The following GNA14 variants were observed in gnomAD, a reference collection of about 807,000 sequenced individuals.
GNA14 encodes guanine nucleotide-binding protein subunit alpha-14.
In GNA14, 50 loss-of-function variants were observed where a neutral mutation model predicts 42.0. That is an observed-to-expected ratio of 1.19 (90% CI 0.95 to 1.51). The LOEUF is 1.51. Among genes scored for constraint, GNA14 ranks in the 40% most tolerant of loss-of-function variants. GNA14 has a pLI of 0.00. For synonymous variants in GNA14, 173 were observed against 163.1 expected (o/e 1.06, Z -0.46); for missense variants, 473 against 446.2 (o/e 1.06, Z -0.54).
intron 2 of GNA14, among the ~76,000 whole-genome samples, chr9:77,459,141 C>T (rs1297122691): frequency 6.6e-6 from 1 of 152,056 alleles, no homozygotes; most frequent in Admixed American, 6.5e-5. Context: ...GAGGCTGAGG[C>T]ACAAGAGTCA....
intron 2 of GNA14, among the ~76,000 whole-genome samples, chr9:77,494,392 A>C (rs989910837): frequency 1.3e-5 from 2 of 152,156 alleles, no homozygotes; most frequent in African/African-American, 4.8e-5. Context: ...AACTTTCTCA[A>C]ATATTATTGA....
At chr9:77,484,098 C>A (rs888240143) in intron 2 of GNA14, among the ~76,000 whole-genome samples, 5 of 152,046 alleles carry the variant, frequency 3.3e-5, no homozygotes, top group Non-Finnish European at 5.9e-5. Context: ...CAGGTAAACA[C>A]AGAATCAGAA....
chr9:77,575,022 A>T (rs746328353), intron 1 of GNA14, among the ~76,000 whole-genome samples: 1 of 152,224 alleles, frequency 6.6e-6, no homozygotes, highest in Non-Finnish European at 1.5e-5. Flanking sequence ...GTTGCCAAGG[A>T]AACTTTTCTA....
chr9:77,513,042 C>T (rs1278705830), intron 2 of GNA14, among the ~76,000 whole-genome samples: 1 of 152,212 alleles, frequency 6.6e-6, no homozygotes, highest in Non-Finnish European at 1.5e-5. Context: ...TCTCTAGTTT[C>T]TTTGATGGCA....
chr9:77,444,776 C>A (rs1010256507), intron 2 of GNA14, among the ~76,000 whole-genome samples: 1 of 152,226 alleles, frequency 6.6e-6, no homozygotes, highest in Non-Finnish European at 1.5e-5. Flanking sequence ...CCACTCAATC[C>A]TATGTACAGA....
chr9:77,486,655 C>T (rs1836665149), intron 2 of GNA14, among the ~76,000 whole-genome samples: 1 of 152,066 alleles, frequency 6.6e-6, no homozygotes. Flanking sequence ...CATTTTGAGA[C>T]CATTGTAGGA....
chr9:77,523,425 G>A (rs1445428878), intron 2 of GNA14, among the ~76,000 whole-genome samples: 1 of 152,028 alleles, frequency 6.6e-6, no homozygotes, highest in Non-Finnish European at 1.5e-5. Context: ...GAATTCACGA[G>A]AACTCACTCA....
chr9:77,491,910 A>G (rs1339364260), intron 2 of GNA14, among the ~76,000 whole-genome samples: 3 of 152,230 alleles, frequency 2.0e-5, no homozygotes, highest in Non-Finnish European at 2.9e-5. Context: ...ACCATGTCTT[A>G]GGCTATAAAA....
At chr9:77,452,780 T>G (rs548208405) in intron 2 of GNA14, among the ~76,000 whole-genome samples, 3 of 151,334 alleles carry the variant, frequency 2.0e-5, no homozygotes, top group Admixed American at 6.6e-5. Context: ...GAGTGGGGCT[T>G]CTGAGTGGGG....
intron 1 of GNA14, among the ~76,000 whole-genome samples, chr9:77,592,861 G>A (rs1033048051): frequency 6.6e-6 from 1 of 152,138 alleles, no homozygotes; most frequent in African/African-American, 2.4e-5. Flanking sequence ...ACTGTGCCTG[G>A]TTTAGCACCA....
intron 2 of GNA14, among the ~76,000 whole-genome samples, chr9:77,467,999 C>G (rs1305434440): frequency 6.6e-6 from 1 of 152,178 alleles, no homozygotes; most frequent in Non-Finnish European, 1.5e-5. Context: ...GGGAAAAGAT[C>G]TTCTCAGCCA....
chr9:77,531,241 C>G (rs1351011897), intron 1 of GNA14, among the ~76,000 whole-genome samples: 1 of 152,174 alleles, frequency 6.6e-6, no homozygotes, highest in Non-Finnish European at 1.5e-5. Context: ...TTGAATGGAA[C>G]AAACATGAGA....
At chr9:77,484,355 A>C (rs1008018054) in intron 2 of GNA14, among the ~76,000 whole-genome samples, 4 of 152,212 alleles carry the variant, frequency 2.6e-5, no homozygotes, top group African/African-American at 7.2e-5. Context: ...TTCTTGGAAA[A>C]AATTAAAACG....
intron 2 of GNA14, among the ~76,000 whole-genome samples, chr9:77,510,254 A>G (rs1013298594): frequency 1.3e-5 from 2 of 152,186 alleles, no homozygotes; most frequent in Non-Finnish European, 2.9e-5. Flanking sequence ...CTTTCATTTA[A>G]CACAGGTTTC....
At chr9:77,508,542 G>A (rs891846971) in intron 2 of GNA14, among the ~76,000 whole-genome samples, 12 of 152,326 alleles carry the variant, frequency 7.9e-5, no homozygotes, top group South Asian at 6.2e-4. Flanking sequence ...ACAGCCACAT[G>A]GGGCTAGTCA....
intron 2 of GNA14, among the ~76,000 whole-genome samples, chr9:77,522,128 G>A (rs1837367219): frequency 6.6e-6 from 1 of 152,056 alleles, no homozygotes. Flanking sequence ...TGGCCCATAT[G>A]CTATTTTTAT....
intron 1 of GNA14, among the ~76,000 whole-genome samples, chr9:77,647,073 G>C (rs927339588): frequency 6.6e-6 from 1 of 152,188 alleles, no homozygotes; most frequent in Non-Finnish European, 1.5e-5. Flanking sequence ...GAGCAGCAAC[G>C]GCATGGGCTT....
intron 1 of GNA14, among the ~76,000 whole-genome samples, chr9:77,590,042 GAGTAA>G (rs1823368275): frequency 6.6e-6 from 1 of 151,888 alleles, no homozygotes; most frequent in Non-Finnish European, 1.5e-5. Context: ...TCAGCCTCCC[GAGTAA>G]CTGGAACTAC....
intron 2 of GNA14, among the ~76,000 whole-genome samples, chr9:77,485,551 CT>C (rs1359049515): frequency 6.6e-6 from 1 of 152,152 alleles, no homozygotes; most frequent in African/African-American, 2.4e-5. Context: ...TCCCAGAAGG[CT>C]TTCAATTTAC....
Sources: gnomAD v4.1 joint callset for allele counts (sites outside exome capture counted in the v4.1 genomes callset) on GRCh38, gnomAD v4.1.1 for gene constraint, MANE v1.5 for transcripts, NCBI Gene and HGNC (gene_info 2026-07-23, HGNC 2026-07-21) for gene names.